ABCC4: variants seen among roughly 807,000 people sequenced by gnomAD.
ABCC4 encodes the protein ATP-binding cassette sub-family C member 4.
Under a neutral mutation model 168.5 loss-of-function variants are expected in ABCC4, and 102 were observed. The ratio of observed to expected loss-of-function variants is 0.61; its 90% CI spans 0.52 to 0.71. The LOEUF is 0.71. Ranked by LOEUF, ABCC4 falls within the 30% of genes least tolerant of loss-of-function variation. ABCC4 has a pLI of 0.00. For synonymous variants in ABCC4, 617 were observed against 590.7 expected (o/e 1.04, Z -0.65); for missense variants, 1,402 against 1,605.8 (o/e 0.87, Z 2.17).
At chr13:95,143,270 G>A (rs1235686104) in intron 19 of ABCC4, among the ~76,000 whole-genome samples, 4 of 151,948 alleles carry the variant, frequency 2.6e-5, no homozygotes, top group African/African-American at 7.3e-5. Context: ...AAGGCACTTG[G>A]CTGTGGTTCT....
chr13:95,204,219 A>G (rs1044531345), intron 8 of ABCC4, among the ~76,000 whole-genome samples: 1 of 152,204 alleles, frequency 6.6e-6, no homozygotes, highest in African/African-American at 2.4e-5. Flanking sequence ...GTTCAAAAAT[A>G]GGACTCCACA....
At chr13:95,158,805 C>T (rs922663925) in intron 19 of ABCC4, among the ~76,000 whole-genome samples, 2 of 152,030 alleles carry the variant, frequency 1.3e-5, no homozygotes, top group Non-Finnish European at 2.9e-5. Flanking sequence ...TCCAGTGGCT[C>T]ATGCCTGTAA....
At chr13:95,075,250 G>A (rs1324668241) in intron 22 of ABCC4, 182 bp downstream of exon 22, 5 of 720,062 alleles carry the variant, frequency 6.9e-6, no homozygotes, top group South Asian at 3.7e-5. Context: ...GTGCAGCAGC[G>A]ATTCCGAGAG....
intron 30 of ABCC4, among the ~76,000 whole-genome samples, chr13:95,031,111 G>A (rs1420573188): frequency 1.3e-5 from 2 of 152,216 alleles, no homozygotes. Context: ...TGTGAATGAT[G>A]CATTGATATT....
At chr13:95,218,884 C>T (rs1420641876) in intron 4 of ABCC4, among the ~76,000 whole-genome samples, 1 of 87,218 alleles carries the variant, frequency 1.1e-5, no homozygotes. Context: ...AGAAAAGAGA[C>T]AGACAGATGA....
intron 25 of ABCC4, among the ~76,000 whole-genome samples, chr13:95,066,663 C>A (rs181052775): frequency 6.6e-6 from 1 of 152,120 alleles, no homozygotes; most frequent in Admixed American, 6.5e-5. Context: ...AGAGAAAAAT[C>A]GAGGCTTAGT....
chr13:95,295,130 C>T (rs1363937472), intron 1 of ABCC4, among the ~76,000 whole-genome samples: 1 of 152,146 alleles, frequency 6.6e-6, no homozygotes, highest in African/African-American at 2.4e-5. Flanking sequence ...GCTCCCAAAT[C>T]TCAGCATCTG....
intron 4 of ABCC4, among the ~76,000 whole-genome samples, chr13:95,233,638 CT>C (rs1309427163): frequency 2.0e-5 from 3 of 151,950 alleles, no homozygotes; most frequent in Non-Finnish European, 2.9e-5. Flanking sequence ...ACCTCTACCC[CT>C]GAATCTAAAA....
chr13:95,089,162 A>C (rs2034349395), intron 20 of ABCC4, among the ~76,000 whole-genome samples: 1 of 152,206 alleles, frequency 6.6e-6, no homozygotes, highest in African/African-American at 2.4e-5. Context: ...CTATTATTGA[A>C]TTTAAGAATA....
chr13:95,097,410 G>T (rs1469056826), intron 20 of ABCC4, among the ~76,000 whole-genome samples: 1 of 151,946 alleles, frequency 6.6e-6, no homozygotes, highest in Non-Finnish European at 1.5e-5. Flanking sequence ...ATTAGATGCT[G>T]CTTACAACAA....
intron 19 of ABCC4, among the ~76,000 whole-genome samples, chr13:95,132,037 G>T (rs1751070): frequency 6.6e-6 from 1 of 151,912 alleles, no homozygotes; most frequent in African/African-American, 2.4e-5. Context: ...ATAGTCAAAG[G>T]GCAGAAGCAA....
intron 20 of ABCC4, among the ~76,000 whole-genome samples, chr13:95,109,984 A>G (rs2035146606): frequency 6.6e-6 from 1 of 152,152 alleles, no homozygotes; most frequent in African/African-American, 2.4e-5. Flanking sequence ...CTGGTGGGAA[A>G]AAAAAATAAA....
At chr13:95,210,983 TAGGA>T (rs2038940292) in intron 4 of ABCC4, among the ~76,000 whole-genome samples, 1 of 141,140 alleles carries the variant, frequency 7.1e-6, no homozygotes, top group Non-Finnish European at 1.5e-5. Flanking sequence ...AAGCGAGAGG[TAGGA>T]AGAAGAAAAA....
chr13:95,188,591 A>G lies in ABCC4; in HGVS notation c.1264-49T>C, dbSNP rs766984735. 7.6e-6 allele frequency: 11 copies of G among 1,452,060 alleles called. No individual in the cohort carries two copies. The Admixed American group carries it at 2.0e-4, about 27-fold the overall frequency. 89.9% of individuals were successfully genotyped at this position (1,452,060 alleles called of 1,614,324 possible). ...GTGCCCATTTCAATAAAGTCACACAAATCACTTCAAAAAGAGAAGAAAACA... is the reference window on the plus strand; with the variant it reads ...GTGCCCATTTCAATAAAGTCACACAGATCACTTCAAAAAGAGAAGAAAACA... On this transcript the variant is annotated intron_variant, in intron 9 of 30. Coordinates refer to ENST00000645237, the MANE Select transcript of ABCC4 (RefSeq NM_005845.5).
intron 29 of ABCC4, among the ~76,000 whole-genome samples, chr13:95,038,117 A>G (rs149594570): frequency 0.022 from 3,415 of 152,208 alleles, 158 homozygotes; most frequent in African/African-American, 0.078. Context: ...TGGCTTCCCA[A>G]AGTGCTGGGA....
intron 1 of ABCC4, among the ~76,000 whole-genome samples, chr13:95,283,894 G>A (rs1459807481): frequency 7.5e-5 from 10 of 133,256 alleles, no homozygotes; most frequent in African/African-American, 1.4e-4. Context: ...GCGAAACTCC[G>A]TCTCAAAAAA....
chr13:95,265,227 C>T (rs1368927992), intron 1 of ABCC4, among the ~76,000 whole-genome samples: 1 of 152,030 alleles, frequency 6.6e-6, no homozygotes, highest in Non-Finnish European at 1.5e-5. Context: ...GAGAAAGAGA[C>T]ATTGACAACT....
intron 1 of ABCC4, among the ~76,000 whole-genome samples, 165 bp from the exon 2 acceptor site, chr13:95,247,918 G>GCACATACACACACACACACACACACACA (rs2040151845): frequency 7.0e-6 from 1 of 142,564 alleles, no homozygotes; most frequent in African/African-American, 2.8e-5. Flanking sequence ...GTTAACATGT[G>GCACATACACACACACACACACACACACA]CACACACACA....
rs2031707494 is a variant in ABCC4 at position 95,029,197 on chromosome 13, TATATATATATATATATAGAGAGAGAG to T, written c.3870+5382_3870+5407del. Among the ~76,000 whole-genome samples the T allele has an allele frequency of 1.8e-4, 14 of 77,172 alleles. 1 individual carries two copies. Among genetic ancestry groups the T allele is most frequent in the African/African-American group, 5.3e-4 (9 of 16,912 alleles). 50.6% of individuals were successfully genotyped at this position (77,172 alleles called of 152,430 possible). A position where few individuals can be genotyped will look rare whatever the true frequency, so the allele number is the denominator to read the frequency against. The stretch of plus-strand genomic sequence containing the variant: ...ATATATATATATATATATATATATA[TATATATATATATATATAGAGAGAGAG>T]AGAGAGAGAGAGAGAGAGAGAGAGA... On this transcript the variant is annotated intron_variant, in intron 30 of 30. Transcript: ENST00000645237.
Sources: gnomAD v4.1 joint callset for allele counts (sites outside exome capture counted in the v4.1 genomes callset) on GRCh38, gnomAD v4.1.1 for gene constraint, MANE v1.5 for transcripts, NCBI Gene and HGNC (gene_info 2026-07-23, HGNC 2026-07-21) for gene names.